Variants in INPP5D observed in about 807,000 individuals in gnomAD.
The protein encoded by INPP5D is phosphatidylinositol 3,4,5-trisphosphate 5-phosphatase 1.
In INPP5D, 33 loss-of-function variants were observed where a neutral mutation model predicts 122.9. That is an observed-to-expected ratio of 0.27 (90% confidence interval 0.20 to 0.36). The LOEUF is 0.36. Among genes scored for constraint, INPP5D ranks in the 10% least tolerant of loss-of-function variants. INPP5D has a pLI of 1.00. For missense variants in INPP5D, 1,053 were observed against 1,412.7 expected, an observed-to-expected ratio of 0.75 and a Z score of 4.08; for synonymous variants, 584 against 576.2, an observed-to-expected ratio of 1.01 and a Z score of -0.19.
chr2:233,157,639 G>A (rs1574772526), intron 9 of INPP5D, among the ~76,000 whole-genome samples: 1 of 135,698 alleles, frequency 7.4e-6, no homozygotes, highest in East Asian at 2.2e-4. Context: ...CAAGTTGGGG[G>A]AGCAGGTTGT....
chr2:233,064,541 T>C (rs920576120), intron 1 of INPP5D, among the ~76,000 whole-genome samples: 1 of 152,264 alleles, frequency 6.6e-6, no homozygotes, highest in African/African-American at 2.4e-5. Flanking sequence ...TATTGACTCA[T>C]TTGATGTCCA....
intron 1 of INPP5D, among the ~76,000 whole-genome samples, chr2:233,072,900 C>T (rs773433094): frequency 1.3e-5 from 2 of 152,222 alleles, no homozygotes; most frequent in African/African-American, 2.4e-5. Context: ...AATGGCAAGG[C>T]AGCCAGTGGC....
intron 26 of INPP5D, among the ~76,000 whole-genome samples, chr2:233,205,821 G>A (rs530528953): frequency 1.3e-5 from 2 of 152,038 alleles, no homozygotes; most frequent in African/African-American, 2.4e-5. Context: ...GCTCATGACT[G>A]TAATCCCAGC....
chr2:233,184,481 G>C lies in INPP5D; in HGVS notation c.2235G>C (p.Gln745His). The part of the protein sequence containing the change: ...RCYATLKTKS[Q>H]TKFYLEFHSS... ...ATGCCACATTGAAGACCAAGTCCCA[G>C]ACCAAATTCTACCTGGAGTTCCACT... The change falls in exon 20 of 27, where the codon CAG becomes CAC. Residue 745 changes from glutamine (Q) to histidine (H), a missense_variant. By Grantham distance (24) the Gln-to-His change is conservative. This residue lies in a region of INPP5D where 258 missense variants were observed against 439.1 expected (regional missense o/e 0.59). Transcript: ENST00000445964. 1 of 1,614,032 alleles carries C rather than the reference G, an allele frequency of 6.2e-7. No individual in the cohort carries two copies. The highest frequency in any genetic ancestry group is 8.5e-7 in the Non-Finnish European group (1 of 1,179,900).
intron 3 of INPP5D, among the ~76,000 whole-genome samples, chr2:233,123,884 C>A (rs1028939140): frequency 1.3e-5 from 2 of 152,128 alleles, no homozygotes; most frequent in East Asian, 3.8e-4. Flanking sequence ...CCAAATACCA[C>A]GTGTTCTCAC....
chr2:233,125,703 G>A (rs771692450), intron 3 of INPP5D, 42 bp from the exon 4 acceptor site: 25 of 1,574,048 alleles, frequency 1.6e-5, no homozygotes, highest in Non-Finnish European at 2.0e-5. Flanking sequence ...CGGGTTGTGC[G>A]CACAGTGTCC....
chr2:233,076,229 G>A (rs554292113), intron 1 of INPP5D: 2 of 152,214 alleles, frequency 1.3e-5, no homozygotes, highest in South Asian at 4.1e-4. Context: ...CAAGGGAAGA[G>A]AGCATTGAAA....
At chr2:233,150,013 C>A (rs975910723) in intron 9 of INPP5D, among the ~76,000 whole-genome samples, 2 of 152,152 alleles carry the variant, frequency 1.3e-5, no homozygotes, top group Admixed American at 1.3e-4. Context: ...GAGCTCATAG[C>A]ATCATGGTGG....
chr2:233,189,756 A>C lies in INPP5D; in HGVS notation c.2359-94A>C. On this transcript the variant is annotated intron_variant, in intron 21 of 26. Transcript: ENST00000445964. This position sits in a 1 kb window ranked among gnomAD's most constrained non-coding sequence, Gnocchi z 5.6. Reference sequence around the variant, plus strand: ...AGAGATTTAGATCTGATTACTAAGAACACCTTTCGTCATCTTCATCCACTT... The same window carrying C: ...AGAGATTTAGATCTGATTACTAAGACCACCTTTCGTCATCTTCATCCACTT... The C allele has an allele frequency of 1.3e-6, 2 of 1,536,468 alleles. No homozygotes were observed. Among genetic ancestry groups the C allele is most frequent in the Non-Finnish European group, 1.8e-6 (2 of 1,139,934 alleles).
At chr2:233,133,010 C>G (rs1304474891) in intron 5 of INPP5D, among the ~76,000 whole-genome samples, 2 of 151,712 alleles carry the variant, frequency 1.3e-5, no homozygotes, top group Non-Finnish European at 2.9e-5. Flanking sequence ...CACCTCTCAG[C>G]CCCTATCCTT....
intron 2 of INPP5D, among the ~76,000 whole-genome samples, chr2:233,110,429 G>A (rs1437720385): frequency 6.6e-6 from 1 of 151,638 alleles, no homozygotes; most frequent in African/African-American, 2.4e-5. Flanking sequence ...CTAACTCCTG[G>A]GCTCGAGCGA....
chr2:233,080,814 C>A (rs1424993254), intron 2 of INPP5D, among the ~76,000 whole-genome samples: 1 of 152,118 alleles, frequency 6.6e-6, no homozygotes, highest in Non-Finnish European at 1.5e-5. Context: ...GAGCAGAACG[C>A]CCCTCAGGAA....
At position 233,128,851 on chromosome 2, in the gene INPP5D, A is replaced by G. The variant is rs1314668462; in HGVS notation, c.525-1657A>G. Among the ~76,000 whole-genome samples the G allele has an allele frequency of 6.6e-6, 1 of 152,184 alleles. No homozygotes were observed. Among genetic ancestry groups the G allele is most frequent in the African/African-American group, 2.4e-5 (1 of 41,448 alleles). On this transcript the variant is annotated intron_variant, in intron 4 of 26. Transcript: ENST00000445964. This position sits in a 1 kb window ranked among gnomAD's most constrained non-coding sequence, Gnocchi z 4.5. ...CCACAGGAAAAGCCTTGTGGCCTTT[A>G]GTTTCAATTTGATTACATATCAAGC...
chr2:233,154,236 C>G (rs1164699332), intron 9 of INPP5D, among the ~76,000 whole-genome samples: 1 of 152,234 alleles, frequency 6.6e-6, no homozygotes, highest in African/African-American at 2.4e-5. Context: ...GCAACCTCCA[C>G]CTCCTGGGTT....
chr2:233,202,293 C>T (rs1028702149), intron 25 of INPP5D, among the ~76,000 whole-genome samples: 5 of 152,228 alleles, frequency 3.3e-5, no homozygotes, highest in African/African-American at 9.6e-5. Flanking sequence ...CAGCAACGGC[C>T]TTTGAGGGTC....
Position 233,160,801 on chromosome 2 carries a change from A to AT in INPP5D, c.1138-916dup, listed in dbSNP as rs1187979505. On this transcript the variant is annotated intron_variant, in intron 10 of 26. Coordinates refer to ENST00000445964, the MANE Select transcript of INPP5D (RefSeq NM_001017915.3). This position sits in a 1 kb window ranked among gnomAD's most constrained non-coding sequence, Gnocchi z 4.2. ...AGGCATGCACCACCATGCCTGGCTA[A>AT]TTTTTTTATTTTTTGTAGAGGCAGG... is the stretch of plus-strand genomic sequence containing the variant. 6.6e-6 allele frequency among the ~76,000 whole-genome samples: 1 copy of AT among 151,874 alleles called. No homozygotes were observed. The highest frequency in any genetic ancestry group is 1.5e-5 in the Non-Finnish European group (1 of 67,972).
In INPP5D at chr2:233,079,339, C is replaced by G. The variant is rs1009089546; in HGVS notation, c.139C>G (p.Arg47Gly). ...AAAGTCTTTGATCTATTTCAGGTAT[C>G]GGAATTGCGTTTACACTTACAGAAT... is the stretch of plus-strand genomic sequence containing the variant. ...SRAYALCVLYRNCVYTYRILP... is the reference protein window; with the variant it reads ...SRAYALCVLYGNCVYTYRILP... Residue 47 changes from arginine (R) to glycine (G), a missense_variant, in exon 2 of 27, where the codon CGG becomes GGG. Physicochemically the swap from Arg to Gly is moderately radical, Grantham distance 125. Coordinates refer to ENST00000445964, the MANE Select transcript of INPP5D (RefSeq NM_001017915.3). The G allele has an allele frequency of 6.3e-7, 1 of 1,595,462 alleles. No homozygotes were observed. The highest frequency in any genetic ancestry group is 8.6e-7 in the Non-Finnish European group (1 of 1,163,130).
intron 10 of INPP5D, among the ~76,000 whole-genome samples, chr2:233,159,942 A>G (rs1337735269): frequency 6.6e-6 from 1 of 152,084 alleles, no homozygotes; most frequent in African/African-American, 2.4e-5. Flanking sequence ...AGGGTCTGGG[A>G]GAAACAAGAG....
At chr2:233,191,796 T>A (rs1460974314) in intron 22 of INPP5D, among the ~76,000 whole-genome samples, 3 of 152,092 alleles carry the variant, frequency 2.0e-5, no homozygotes, top group African/African-American at 7.2e-5. Context: ...AGGGAGCACA[T>A]TTATCCACGT....
Sources: allele counts gnomAD v4.1 joint callset (sites outside exome capture counted in the v4.1 genomes callset), GRCh38; gene constraint gnomAD v4.1.1; regional missense constraint gnomAD v4.1.1; non-coding constraint Gnocchi (gnomAD v3.1); transcripts MANE v1.5; gene names NCBI Gene and HGNC (gene_info 2026-07-23, HGNC 2026-07-21).